GPC5: variants seen among roughly 807,000 people sequenced by gnomAD.
GPC5 encodes the protein glypican-5.
GPC5 carries 47 observed loss-of-function variants against 53.9 expected under a neutral mutation model. The observed-to-expected ratio is 0.87, with a 90% CI of 0.69 to 1.11. The LOEUF (loss-of-function observed/expected upper bound fraction) is 1.11. GPC5 is among the 50% of genes most tolerant of loss of function. The pLI is 0.00. For synonymous variants in GPC5, 286 were observed against 263.3 expected (o/e 1.09, Z -0.84); for missense variants, 748 against 713.1 (o/e 1.05, Z -0.56).
At chr13:92,545,415 AAT>A (rs1882074308) in intron 7 of GPC5, among the ~76,000 whole-genome samples, 4 of 152,174 alleles carry the variant, frequency 2.6e-5, no homozygotes, top group African/African-American at 9.7e-5. Context: ...CATGTTTTAT[AAT>A]CCTTTGGGTA....
At position 92,816,053 on chromosome 13, in the gene GPC5, G is replaced by T. The variant is rs1389372173; in HGVS notation, c.1562-50229G>T. On this transcript the variant is annotated intron_variant, in intron 7 of 7. Transcript: ENST00000377067. ...TTTGGGAGTCATTTGCCCATGAAGG[G>T]TATTTAAAGCCACAGGACCAGATGA... Among the ~76,000 whole-genome samples, 8 of 151,862 alleles carry T rather than the reference G, an allele frequency of 5.3e-5. 1 individual carries two copies. The highest frequency in any genetic ancestry group is 9.7e-5 in the African/African-American group (4 of 41,238).
chr13:92,640,426 A>T (rs1885557032), intron 7 of GPC5, among the ~76,000 whole-genome samples: 1 of 151,808 alleles, frequency 6.6e-6, no homozygotes, highest in South Asian at 2.1e-4. Context: ...TGCCCAGCTA[A>T]TTTTTTTGTA....
chr13:92,354,214 A>G (rs1216830891), intron 7 of GPC5, among the ~76,000 whole-genome samples: 1 of 152,234 alleles, frequency 6.6e-6, no homozygotes, highest in Non-Finnish European at 1.5e-5. Context: ...TCTGATAACA[A>G]GTTGTACTGA....
chr13:91,983,430 AGTATCTT>A (rs1030627516), intron 6 of GPC5, among the ~76,000 whole-genome samples: 3 of 152,020 alleles, frequency 2.0e-5, no homozygotes, highest in Admixed American at 2.0e-4. Context: ...TGGTCAAGTA[AGTATCTT>A]AGAAAGCAGA....
At chr13:92,287,085 T>C (rs779400427) in intron 7 of GPC5, among the ~76,000 whole-genome samples, 1 of 152,182 alleles carries the variant, frequency 6.6e-6, no homozygotes, top group Non-Finnish European at 1.5e-5. Flanking sequence ...CCACCAAGTC[T>C]ATAGTAATTT....
chr13:91,665,564 G>A (rs60790837), intron 2 of GPC5, among the ~76,000 whole-genome samples: 22,133 of 151,110 alleles, frequency 0.15, 1,841 homozygotes, highest in East Asian at 0.28. Flanking sequence ...GTCCAGTGGC[G>A]CCATCTCGGC....
chr13:91,897,680 C>A (rs542628047), intron 5 of GPC5, among the ~76,000 whole-genome samples: 2 of 152,084 alleles, frequency 1.3e-5, no homozygotes, highest in East Asian at 3.9e-4. Context: ...GCACATTTGC[C>A]AAAGTGAAGA....
chr13:91,486,343 T>C (rs1024903055), intron 2 of GPC5: 1 of 152,252 alleles, frequency 6.6e-6, no homozygotes, highest in African/African-American at 2.4e-5. Context: ...GTAAGCCAGA[T>C]TGCTTCTTAA....
intron 6 of GPC5, among the ~76,000 whole-genome samples, chr13:92,047,630 A>G (rs1455578898): frequency 1.3e-5 from 2 of 151,212 alleles, no homozygotes; most frequent in African/African-American, 4.9e-5. Context: ...TTTATTTTAA[A>G]CCCTCTAACT....
chr13:91,832,787 G>T (rs2038677542), intron 5 of GPC5, among the ~76,000 whole-genome samples: 1 of 152,036 alleles, frequency 6.6e-6, no homozygotes, highest in South Asian at 2.1e-4. Context: ...ACAAGAGAAA[G>T]CAGGAAAGAT....
At chr13:92,345,099 T>TTAAA (rs1416600778) in intron 7 of GPC5, among the ~76,000 whole-genome samples, 8 of 152,062 alleles carry the variant, frequency 5.3e-5, no homozygotes, top group African/African-American at 1.9e-4. Context: ...GTTAGTAATA[T>TTAAA]TAAAAGTGCA....
chr13:91,568,490 G>C (rs1045983507), intron 2 of GPC5, among the ~76,000 whole-genome samples: 1 of 151,610 alleles, frequency 6.6e-6, no homozygotes, highest in East Asian at 1.9e-4. Context: ...AGCTGGGTCT[G>C]TAGGAAGATT....
chr13:91,769,835 G>T (rs1483521952), intron 5 of GPC5, among the ~76,000 whole-genome samples: 1 of 152,102 alleles, frequency 6.6e-6, no homozygotes, highest in East Asian at 1.9e-4. Context: ...AGAAGTGTGG[G>T]AGTTTCTCCC....
intron 7 of GPC5, among the ~76,000 whole-genome samples, chr13:92,505,238 T>G (rs186530477): frequency 9.9e-5 from 15 of 151,960 alleles, no homozygotes; most frequent in Admixed American, 9.2e-4. Context: ...AAAAGGGAGC[T>G]GTATTCAGAA....
At chr13:92,276,930 A>G (rs1243367001) in intron 7 of GPC5, among the ~76,000 whole-genome samples, 2 of 152,072 alleles carry the variant, frequency 1.3e-5, no homozygotes, top group South Asian at 4.1e-4. Flanking sequence ...GAGGAGGTAT[A>G]TATTAGTCAT....
chr13:92,429,555 A>T (rs563961769), intron 7 of GPC5, among the ~76,000 whole-genome samples: 1 of 151,936 alleles, frequency 6.6e-6, no homozygotes, highest in Non-Finnish European at 1.5e-5. Context: ...CTTGTCCCCA[A>T]TGGGAAATGA....
intron 2 of GPC5, among the ~76,000 whole-genome samples, chr13:91,492,276 G>T (rs77907718): frequency 6.6e-6 from 1 of 152,090 alleles, no homozygotes; most frequent in Non-Finnish European, 1.5e-5. Context: ...GAACAAACTG[G>T]ATATATATAC....
chr13:92,170,847 T>C (rs889337606), intron 7 of GPC5, among the ~76,000 whole-genome samples: 4 of 152,184 alleles, frequency 2.6e-5, no homozygotes, highest in Non-Finnish European at 4.4e-5. Flanking sequence ...GCTGAAGAAT[T>C]GTTTTTCTCC....
At chr13:91,728,275 G>T (rs151166907) in intron 3 of GPC5, among the ~76,000 whole-genome samples, 110 of 152,164 alleles carry the variant, frequency 7.2e-4, no homozygotes, top group African/African-American at 2.6e-3. Flanking sequence ...ATAGTTGTCT[G>T]ATTTTGCGTA....
Sources: allele counts gnomAD v4.1 joint callset (sites outside exome capture counted in the v4.1 genomes callset), GRCh38; gene constraint gnomAD v4.1.1; transcripts MANE v1.5; gene names NCBI Gene and HGNC (gene_info 2026-07-23, HGNC 2026-07-21).